Variants in VWA3B observed in about 807,000 individuals in gnomAD.
VWA3B encodes von Willebrand factor A domain containing 3B.
In VWA3B, 138 loss-of-function variants were observed where a neutral mutation model predicts 158.3. The observed-to-expected ratio is 0.87, with a 90% CI of 0.76 to 1.00. VWA3B has a LOEUF of 1.00. Among genes scored for constraint, VWA3B ranks in the 50% least tolerant of loss-of-function variants. VWA3B has a pLI of 0.00. For missense variants in VWA3B, 1,555 were observed against 1,565.1 expected (o/e 0.99, Z 0.11); for synonymous variants, 596 against 587.3 (o/e 1.01, Z -0.21).
At chr2:98,276,652 T>C (rs180919591) in intron 22 of VWA3B, among the ~76,000 whole-genome samples, 92 of 128,116 alleles carry the variant, frequency 7.2e-4, no homozygotes, top group South Asian at 1.3e-3. Context: ...GCTGTGGCCA[T>C]TGCGTTTGGA....
At chr2:98,316,199 CAGTAGG>C (rs1574338810), downstream of VWA3B, among the ~76,000 whole-genome samples, 1 of 152,154 alleles carries the variant, frequency 6.6e-6, no homozygotes, top group South Asian at 2.1e-4. Context: ...AGCATGTTTA[CAGTAGG>C]AGAGCTAAAA....
chr2:98,228,725 T>C (rs1355863830), intron 15 of VWA3B, among the ~76,000 whole-genome samples: 1 of 152,148 alleles, frequency 6.6e-6, no homozygotes, highest in African/African-American at 2.4e-5. Flanking sequence ...ATTGCGTGGG[T>C]CTCTGTTTCC....
At chr2:98,288,484 G>A (rs751483646) in intron 22 of VWA3B, among the ~76,000 whole-genome samples, 1 of 152,164 alleles carries the variant, frequency 6.6e-6, no homozygotes, top group Admixed American at 6.6e-5. Flanking sequence ...TGCTTTGAGT[G>A]TTTTCTGCAC....
At chr2:98,214,178 G>A (rs62156663) in intron 13 of VWA3B, among the ~76,000 whole-genome samples, 20,159 of 150,788 alleles carry the variant, frequency 0.13, 1,986 homozygotes, top group Non-Finnish European at 0.2. Flanking sequence ...GCAACAGAGC[G>A]AGTCCCTGTC....
intron 12 of VWA3B, among the ~76,000 whole-genome samples, chr2:98,203,943 C>T (rs1283372808): frequency 6.6e-6 from 1 of 152,018 alleles, no homozygotes; most frequent in African/African-American, 2.4e-5. Context: ...AAATATAATA[C>T]AAAACTTAAA....
At position 98,216,830 on chromosome 2, in the gene VWA3B, C is replaced by T. The variant is rs148846994; in HGVS notation, c.1837-1016C>T. The stretch of plus-strand genomic sequence containing the variant: ...CAGTTCTGAGCCACAGATGAGGAAA[C>T]TCACATTAGACAGGACATGCCCTAG... On this transcript the variant is annotated intron_variant, in intron 13 of 27. Transcript: ENST00000477737. The T allele has an allele frequency of 3.6e-4, 279 of 785,676 alleles. 2 individuals carry two copies. In the African/African-American group the frequency reaches 3.8e-3, roughly 11 times the overall value. 48.7% of individuals were successfully genotyped at this position (785,676 alleles called of 1,614,324 possible).
chr2:98,094,586 T>G (rs1024635348), intron 2 of VWA3B, among the ~76,000 whole-genome samples: 1 of 152,236 alleles, frequency 6.6e-6, no homozygotes, highest in Admixed American at 6.5e-5. Context: ...CTCTTTACTC[T>G]GTTGATTTTT....
At chr2:98,292,772 C>T (rs182024320) in intron 23 of VWA3B, among the ~76,000 whole-genome samples, 2 of 152,200 alleles carry the variant, frequency 1.3e-5, no homozygotes, top group South Asian at 2.1e-4. Context: ...TGAGACCAGC[C>T]TGACCAACAT....
At chr2:98,127,745 G>A (rs939126924) in intron 5 of VWA3B, among the ~76,000 whole-genome samples, 6 of 152,270 alleles carry the variant, frequency 3.9e-5, no homozygotes, top group South Asian at 2.1e-4. Flanking sequence ...AGCTCCGGGC[G>A]TGTGAGTCCC....
chr2:98,107,745 A>G (rs1673789584), intron 2 of VWA3B, among the ~76,000 whole-genome samples: 1 of 151,798 alleles, frequency 6.6e-6, no homozygotes, highest in Non-Finnish European at 1.5e-5. Flanking sequence ...TGTAATTTAT[A>G]CCTTCTCTCT....
intron 6 of VWA3B, among the ~76,000 whole-genome samples, chr2:98,129,794 G>T (rs1330034518): frequency 6.6e-6 from 1 of 152,042 alleles, no homozygotes; most frequent in Non-Finnish European, 1.5e-5. Context: ...CCTTTCCTAA[G>T]TTCTCCTTGA....
rs553661906 is a variant in VWA3B, at chr2:98,214,230, C to CA, written c.1836+2210dup. On this transcript the variant is annotated intron_variant, in intron 13 of 27. Transcript: ENST00000477737. ...AAAAAAAAGCAAAACACAAAAAAAA[C>CA]AAAAAAAAGAGGAAAAAATTTGAAT... Among the ~76,000 whole-genome samples, 44 of 144,954 alleles carry CA rather than the reference C, an allele frequency of 3.0e-4. No homozygotes were observed. In the South Asian group the frequency reaches 3.5e-3, roughly 12 times the overall value.
At chr2:98,205,836 G>A (rs1397838803) in intron 12 of VWA3B, among the ~76,000 whole-genome samples, 1 of 152,144 alleles carries the variant, frequency 6.6e-6, no homozygotes, top group Non-Finnish European at 1.5e-5. Flanking sequence ...AAATTTTCAT[G>A]TTGTCTTTCT....
At position 98,128,253 on chromosome 2, in the gene VWA3B, C is replaced by T. The variant is rs553467371; in HGVS notation, c.717C>T (p.Tyr239=). The T allele has an allele frequency of 1.2e-5, 19 of 1,614,148 alleles. No individual in the cohort carries two copies. The African/African-American group carries it at 2.4e-4, about 20-fold the overall frequency. Residue 239 remains tyrosine (Y), a synonymous_variant, in exon 6 of 28, where the codon TAC becomes TAT. Transcript: ENST00000477737. The part of the protein sequence containing the change: ...AGRDKTIESI[Y]YFVVGDVPEE... ...CTGTTTTGCAGATTGAATCCATTTA[C>T]TACTTTGTGGTGGGGGATGTTCCTG... is the stretch of plus-strand genomic sequence containing the variant.
At chr2:98,159,320 C>T (rs1380998235) in intron 7 of VWA3B, among the ~76,000 whole-genome samples, 1 of 152,144 alleles carries the variant, frequency 6.6e-6, no homozygotes, top group African/African-American at 2.4e-5. Flanking sequence ...AGTGCAATGG[C>T]TCTCTGCAAC....
chr2:98,329,272 G>A, the VWA3B span, among the ~76,000 whole-genome samples: 1 of 152,242 alleles, frequency 6.6e-6, no homozygotes, highest in Admixed American at 6.5e-5. Context: ...TGACCATGGA[G>A]GTAGGCTAAT....
intron 7 of VWA3B, among the ~76,000 whole-genome samples, chr2:98,140,914 G>A (rs1279146637): frequency 6.6e-6 from 1 of 152,156 alleles, no homozygotes; most frequent in Admixed American, 6.5e-5. Context: ...TTGCCTTGGG[G>A]TCTCAGTTTC....
chr2:98,289,836 T>C (rs1427400913), intron 22 of VWA3B, among the ~76,000 whole-genome samples: 2 of 152,218 alleles, frequency 1.3e-5, no homozygotes, highest in African/African-American at 4.8e-5. Context: ...TAGTTGCATA[T>C]GTAATTTTTC....
chr2:98,250,362 A>G lies in VWA3B; in HGVS notation c.2718A>G (p.Thr906=), dbSNP rs772499780. The change falls in exon 20 of 28, where the codon ACA becomes ACG. Residue 906 remains threonine, a synonymous_variant. Transcript: ENST00000477737. ...TGTGCAACGACACAAATAAGATGACATTAATTAACCCCCAAGGAGCCAAAC... is the reference window on the plus strand; with the variant it reads ...TGTGCAACGACACAAATAAGATGACGTTAATTAACCCCCAAGGAGCCAAAC... The part of the protein sequence containing the change: ...AHVCNDTNKM[T]LINPQGAKLN... 1.5e-5 allele frequency: 25 copies of G among 1,613,584 alleles called. No individual in the cohort carries two copies. The highest frequency in any genetic ancestry group is 2.2e-5 in the East Asian group (1 of 44,856).
Sources: allele counts gnomAD v4.1 joint callset (sites outside exome capture counted in the v4.1 genomes callset), GRCh38; gene constraint gnomAD v4.1.1; transcripts MANE v1.5; gene names NCBI Gene and HGNC (gene_info 2026-07-23, HGNC 2026-07-21).